The following NAV1 variants were observed in gnomAD, a reference collection of about 807,000 sequenced individuals.
NAV1 encodes pore membrane and/or filament interacting like protein 3.
A neutral mutation model predicts 175.2 loss-of-function variants in NAV1; 18 were observed. The observed-to-expected ratio is 0.10, with a 90% CI of 0.07 to 0.15. NAV1 has a LOEUF of 0.15. Ranked by LOEUF, NAV1 falls within the 10% of genes least tolerant of loss-of-function variation. NAV1 has a pLI of 1.00. For missense variants in NAV1, 1,731 were observed against 2,436.6 expected (o/e 0.71, Z 6.10); for synonymous variants, 897 against 978.7 (o/e 0.92, Z 1.56).
At chr1:201,578,752 T>C (rs1366737656) in intron 1 of NAV1, among the ~76,000 whole-genome samples, 1 of 152,204 alleles carries the variant, frequency 6.6e-6, no homozygotes, top group Non-Finnish European at 1.5e-5. Context: ...ATTTTTCCTA[T>C]GGCGTTTGGC....
rs117668596 is a variant in NAV1 at position 201,727,256 on chromosome 1, G to C, written c.1226+8501G>C. On this transcript the variant is annotated intron_variant, in intron 3 of 29. Transcript: ENST00000367296. ...AAGTTGTCACAGACACATTCTAGAT[G>C]ATAATACATTCTTTGACAAAGAATG... is the stretch of plus-strand genomic sequence containing the variant. Among the ~76,000 whole-genome samples, 19 of 152,234 alleles carry C rather than the reference G, an allele frequency of 1.2e-4. No individual in the cohort carries two copies. The East Asian group carries it at 3.7e-3, about 29-fold the overall frequency.
At chr1:201,590,375 C>G (rs917503495) in intron 2 of NAV1, among the ~76,000 whole-genome samples, 8 of 152,242 alleles carry the variant, frequency 5.3e-5, no homozygotes, top group Admixed American at 2.0e-4. Context: ...ATCTCCCCAG[C>G]TAGGTAGTTC....
exon 1 of NAV1, chr1:201,649,158 C>T: frequency 6.2e-7 from 1 of 1,611,984 alleles, no homozygotes; most frequent in South Asian, 1.1e-5. Flanking sequence ...CCTGGCTCCG[C>T]TCGCGCCCAA....
At chr1:201,593,809 C>G (rs1667276760) in intron 2 of NAV1, among the ~76,000 whole-genome samples, 1 of 152,202 alleles carries the variant, frequency 6.6e-6, no homozygotes, top group Non-Finnish European at 1.5e-5. Context: ...GAGCCACTCC[C>G]CACTTTCAGT....
chr1:201,779,598 C>CAAAAAAAAAAAAAAAAAAAAAAAAAAAA (rs10624879), intron 3 of NAV1, among the ~76,000 whole-genome samples: 18 of 69,060 alleles, frequency 2.6e-4, no homozygotes, highest in African/African-American at 1.0e-3. Flanking sequence ...GACTCCGTCT[C>CAAAAAAAAAAAAAAAAAAAAAAAAAAAA]AAAAAAAAAA....
intron 3 of NAV1, among the ~76,000 whole-genome samples, chr1:201,748,518 G>A (rs1673908809): frequency 6.6e-6 from 1 of 152,192 alleles, no homozygotes; most frequent in Admixed American, 6.5e-5. Flanking sequence ...GGCAAAAGTG[G>A]CCAGTCACGT....
At chr1:201,789,662 C>G (rs1407921824) in intron 10 of NAV1, 78 bp from the exon 15 acceptor site, 1 of 1,336,186 alleles carries the variant, frequency 7.5e-7, no homozygotes, top group Non-Finnish European at 1.1e-6. Flanking sequence ...AATCCAAACT[C>G]CTGCCTTAGG....
intron 2 of NAV1, among the ~76,000 whole-genome samples, chr1:201,591,131 C>A (rs563740213): frequency 6.6e-6 from 1 of 152,148 alleles, no homozygotes; most frequent in Non-Finnish European, 1.5e-5. Context: ...GGAGGCAACA[C>A]GGAAAGATTG....
rs1672247574 is a variant in NAV1 at position 201,718,834 on chromosome 1, GAACCCA to G, written c.1226+82_1226+87del. ...GATGCGACGCCTTAAAAGTGGAGTG[GAACCCA>G]AAACGGGTTTTGGTTTGCTGTGCTG... is the stretch of plus-strand genomic sequence containing the variant. On this transcript the variant is annotated intron_variant, in intron 3 of 29. Coordinates refer to ENST00000367296, the Ensembl canonical transcript of NAV1. The surrounding 1 kb of genome is among the most constrained non-coding windows in gnomAD (Gnocchi z 4.8). The G allele has an allele frequency of 2.0e-6, 3 of 1,528,768 alleles. No individual in the cohort carries two copies. Among genetic ancestry groups the G allele is most frequent in the South Asian group, 2.5e-5 (2 of 78,566 alleles). 94.7% of individuals were successfully genotyped at this position (1,528,768 alleles called of 1,614,324 possible). A position where few individuals can be genotyped will look rare whatever the true frequency, so the allele number is the denominator to read the frequency against.
intron 2 of NAV1, among the ~76,000 whole-genome samples, chr1:201,601,709 A>C (rs892964346): frequency 6.6e-6 from 1 of 152,190 alleles, no homozygotes; most frequent in Non-Finnish European, 1.5e-5. Flanking sequence ...GGCACCTTGA[A>C]TTTGGGCTTC....
At chr1:201,624,922 C>G (rs1668287805) in intron 1 of NAV1, among the ~76,000 whole-genome samples, 1 of 152,184 alleles carries the variant, frequency 6.6e-6, no homozygotes, top group East Asian at 1.9e-4. Flanking sequence ...TAGGGAACCA[C>G]TAGGAGCTTT....
chr1:201,683,154 G>A (rs1271517882), intron 1 of NAV1, among the ~76,000 whole-genome samples: 3 of 152,090 alleles, frequency 2.0e-5, no homozygotes, highest in Admixed American at 6.5e-5. Flanking sequence ...CTTTGTTTTC[G>A]ATGACCTTGA....
intron 1 of NAV1, among the ~76,000 whole-genome samples, chr1:201,540,448 T>C (rs1275191736): frequency 6.6e-6 from 1 of 152,196 alleles, no homozygotes; most frequent in Non-Finnish European, 1.5e-5. Context: ...TGGGTTTTCA[T>C]CTGTGGGCTA....
chr1:201,662,061 C>A (rs1418002565), intron 1 of NAV1, among the ~76,000 whole-genome samples: 5 of 152,238 alleles, frequency 3.3e-5, no homozygotes, highest in Admixed American at 3.3e-4. Context: ...GGGTATGACC[C>A]CCAGGCAGTC....
At chr1:201,643,573 C>T (rs1234352409), upstream of NAV1, among the ~76,000 whole-genome samples, 1 of 151,946 alleles carries the variant, frequency 6.6e-6, no homozygotes, top group Non-Finnish European at 1.5e-5. Context: ...CACTATCGCC[C>T]AGCTAATTTT....
chr1:201,587,507 A>C (rs1158029798), intron 1 of NAV1, among the ~76,000 whole-genome samples: 1 of 151,430 alleles, frequency 6.6e-6, no homozygotes, highest in Non-Finnish European at 1.5e-5. Context: ...GAAACACGGC[A>C]AAACCTCATC....
rs557432920 is a variant in NAV1 at position 201,566,401 on chromosome 1, C to T, written c.-143-22138C>T. On this transcript the variant is annotated intron_variant, in intron 1 of 33. Coordinates refer to the NAV1 transcript ENST00000685211. ...TCCACCAGTACCTAGTGATATTGCT[C>T]AGGGTGCACACCCTCAGCCGTTACA... Among the ~76,000 whole-genome samples the T allele has an allele frequency of 2.0e-3, 310 of 152,238 alleles. 1 individual carries two copies. The highest frequency in any genetic ancestry group is 7.2e-3 in the African/African-American group (298 of 41,538).
At chr1:201,632,310 A>T (rs1189940181) in intron 2 of NAV1, among the ~76,000 whole-genome samples, 1 of 152,252 alleles carries the variant, frequency 6.6e-6, no homozygotes, top group East Asian at 1.9e-4. Flanking sequence ...CCTGAAGGCC[A>T]TCCACCAGCA....
intron 2 of NAV1, among the ~76,000 whole-genome samples, chr1:201,717,877 C>T (rs1395389334): frequency 6.6e-6 from 1 of 152,210 alleles, no homozygotes; most frequent in Non-Finnish European, 1.5e-5. Flanking sequence ...GATGGACACA[C>T]CATTAACAAA....
Sources: gnomAD v4.1 joint callset for allele counts (sites outside exome capture counted in the v4.1 genomes callset) on GRCh38, gnomAD v4.1.1 for gene constraint, Gnocchi (gnomAD v3.1) non-coding constraint, MANE v1.5 for transcripts, NCBI Gene and HGNC (gene_info 2026-07-23, HGNC 2026-07-21) for gene names.